Variants in NR2F1-AS1 observed in about 807,000 individuals in gnomAD.
NR2F1-AS1 encodes the protein NR2F1 antisense RNA 1.
chr5:93,572,317 G>C (rs1580345284), intron 1 of NR2F1-AS1, among the ~76,000 whole-genome samples: 1 of 152,242 alleles, frequency 6.6e-6, no homozygotes, highest in East Asian at 1.9e-4. Flanking sequence ...GCTCAAACTA[G>C]ATACGGGGTC....
intron 4 of NR2F1-AS1, among the ~76,000 whole-genome samples, chr5:93,505,261 T>C (rs1417646067): frequency 6.6e-6 from 1 of 152,154 alleles, no homozygotes; most frequent in Non-Finnish European, 1.5e-5. Context: ...GGCAGCTCCA[T>C]CCCTGTGGCT....
At chr5:93,578,479 C>T (rs1752946044) in intron 1 of NR2F1-AS1, among the ~76,000 whole-genome samples, 2 of 151,974 alleles carry the variant, frequency 1.3e-5, no homozygotes, top group Admixed American at 6.6e-5. Context: ...AAGGGAGGCT[C>T]CCGGGAGCCC....
chr5:93,541,968 T>C (rs1751960442), intron 4 of NR2F1-AS1: 1 of 151,930 alleles, frequency 6.6e-6, no homozygotes, highest in African/African-American at 2.4e-5. Flanking sequence ...TATTATTACT[T>C]ATTTTTCTTT....
chr5:93,455,272 T>C (rs189455894), intron 4 of NR2F1-AS1, among the ~76,000 whole-genome samples: 21 of 152,304 alleles, frequency 1.4e-4, no homozygotes, highest in African/African-American at 4.8e-4. Flanking sequence ...TATGAAGAAG[T>C]AAAATGTACG....
intron 1 of NR2F1-AS1, among the ~76,000 whole-genome samples, chr5:93,577,871 C>A (rs970773836): frequency 6.6e-6 from 1 of 152,070 alleles, no homozygotes; most frequent in African/African-American, 2.4e-5. Flanking sequence ...AGAATAATAC[C>A]ATTTTTAACG....
chr5:93,446,491 T>C (rs994923331), intron 4 of NR2F1-AS1, among the ~76,000 whole-genome samples: 2 of 152,066 alleles, frequency 1.3e-5, no homozygotes, highest in Admixed American at 6.5e-5. Context: ...ATCCAACTTA[T>C]AAGGGGTGTG....
intron 4 of NR2F1-AS1, among the ~76,000 whole-genome samples, chr5:93,439,750 T>A (rs181801293): frequency 1.3e-5 from 2 of 152,336 alleles, no homozygotes; most frequent in East Asian, 3.9e-4. Flanking sequence ...TTTGTCTGAT[T>A]AAGCCCCTCT....
At chr5:93,530,098 T>TTTTTTG (rs1751704249) in intron 4 of NR2F1-AS1, among the ~76,000 whole-genome samples, 1 of 142,176 alleles carries the variant, frequency 7.0e-6, no homozygotes, top group Non-Finnish European at 1.5e-5. Flanking sequence ...TTTTTTTTTT[T>TTTTTTG]GAGACGGAGT....
At chr5:93,418,572 G>A (rs186351075) in intron 4 of NR2F1-AS1, among the ~76,000 whole-genome samples, 105 of 149,964 alleles carry the variant, frequency 7.0e-4, no homozygotes, top group Admixed American at 1.5e-3. Context: ...GCAAAAGAGC[G>A]AGACGCCGTC....
intron 4 of NR2F1-AS1, among the ~76,000 whole-genome samples, chr5:93,491,265 G>A (rs1750842508): frequency 6.6e-6 from 1 of 151,328 alleles, no homozygotes; most frequent in Admixed American, 6.6e-5. Context: ...CGTGGTGGTG[G>A]TGGTGGTCAT....
intron 4 of NR2F1-AS1, among the ~76,000 whole-genome samples, chr5:93,472,681 C>T (rs1229630359): frequency 1.3e-5 from 2 of 151,678 alleles, no homozygotes; most frequent in African/African-American, 2.4e-5. Flanking sequence ...AGAAATCACA[C>T]ACACAGAGTG....
chr5:93,566,044 T>C (rs1000758681), intron 1 of NR2F1-AS1, among the ~76,000 whole-genome samples: 1 of 151,890 alleles, frequency 6.6e-6, no homozygotes, highest in African/African-American at 2.4e-5. Context: ...TGGTTGTTTT[T>C]ATTGAAACAA....
intron 4 of NR2F1-AS1, among the ~76,000 whole-genome samples, chr5:93,475,095 G>C (rs867984685): frequency 6.7e-6 from 1 of 148,380 alleles, no homozygotes; most frequent in Admixed American, 6.8e-5. Context: ...CTGCACTCCA[G>C]CCTGGGCAAC....
chr5:93,476,370 G>A (rs1331648276), intron 4 of NR2F1-AS1, among the ~76,000 whole-genome samples: 1 of 152,048 alleles, frequency 6.6e-6, no homozygotes, highest in Non-Finnish European at 1.5e-5. Context: ...TAATAGATAA[G>A]AGTCTACATT....
chr5:93,541,980 T>C (rs1751960521), intron 4 of NR2F1-AS1: 1 of 151,842 alleles, frequency 6.6e-6, no homozygotes, highest in Admixed American at 6.6e-5. Context: ...TTTTTCTTTT[T>C]GCCTCAGGTT....
intron 4 of NR2F1-AS1, among the ~76,000 whole-genome samples, chr5:93,414,844 T>C (rs1188657467): frequency 6.6e-6 from 1 of 152,200 alleles, no homozygotes; most frequent in Non-Finnish European, 1.5e-5. Flanking sequence ...TTTGGTTTTC[T>C]TTTGTTATGT....
intron 4 of NR2F1-AS1, among the ~76,000 whole-genome samples, chr5:93,517,418 T>A (rs900143005): frequency 6.6e-6 from 1 of 151,992 alleles, no homozygotes; most frequent in Non-Finnish European, 1.5e-5. Context: ...TTCTTTACAA[T>A]CCTAATCAAA....
chr5:93,464,033 G>A (rs1304092431), intron 4 of NR2F1-AS1, among the ~76,000 whole-genome samples: 2 of 152,132 alleles, frequency 1.3e-5, no homozygotes, highest in African/African-American at 4.8e-5. Flanking sequence ...GAAGATGTGA[G>A]ATTTCGGAGG....
At chr5:93,585,588 G>T, upstream of NR2F1-AS1, 3 of 942,826 alleles carry the variant, frequency 3.2e-6, no homozygotes, top group Non-Finnish European at 4.8e-6. Flanking sequence ...TGGGGCTCCT[G>T]TGGTCCCGGC....
Sources: gnomAD v4.1 joint callset for allele counts (sites outside exome capture counted in the v4.1 genomes callset) on GRCh38, gnomAD v4.1.1 for gene constraint, MANE v1.5 for transcripts, NCBI Gene and HGNC (gene_info 2026-07-23, HGNC 2026-07-21) for gene names.